The following WDR53 variants were observed in gnomAD, a reference collection of about 807,000 sequenced individuals.
WDR53 encodes the protein WD repeat domain 53.
Under a neutral mutation model 21.3 loss-of-function variants are expected in WDR53, and 19 were observed. The observed-to-expected ratio is 0.89, with a 90% confidence interval of 0.62 to 1.31. The LOEUF is 1.31. WDR53 is among the 50% of genes most tolerant of loss of function. The pLI is 0.00. For missense variants in WDR53, 374 were observed against 423.2 expected, an observed-to-expected ratio of 0.88 and a Z score of 1.02; for synonymous variants, 157 against 163.4, an observed-to-expected ratio of 0.96 and a Z score of 0.30.
At position 196,554,615 on chromosome 3, in the gene WDR53, G is replaced by C; in HGVS notation, c.673C>G (p.Arg225Gly). 1.2e-6 allele frequency: 2 copies of C among 1,614,028 alleles called. No homozygotes were observed. Among genetic ancestry groups the C allele is most frequent in the Non-Finnish European group, 1.7e-6 (2 of 1,180,008 alleles). ...TGTTCACACTTAACTCCCATCACCC[G>C]AAAGATTCGAACCTTACCATCTTCT... ...GAEDGKVRIF[R>G]VMGVKCEQEL... The change falls in exon 4 of 4, where the codon CGG becomes GGG. Residue 225 changes from arginine to glycine, a missense_variant. Physicochemically the swap from Arg to Gly is moderately radical, Grantham distance 125. Transcript: ENST00000332629.
intron 2 of WDR53, among the ~76,000 whole-genome samples, chr3:196,564,843 A>G (rs1228934146): frequency 6.6e-6 from 1 of 152,186 alleles, no homozygotes; most frequent in East Asian, 1.9e-4. Context: ...CTGAAACAAG[A>G]ATGAGGCAAG....
intron 3 of WDR53, among the ~76,000 whole-genome samples, chr3:196,555,881 C>T (rs1355156365): frequency 9.9e-5 from 15 of 152,136 alleles, no homozygotes; most frequent in Non-Finnish European, 4.4e-5. Flanking sequence ...TTACATTCTG[C>T]TTCTCTTAGA....
chr3:196,554,371 A>G lies in WDR53; in HGVS notation c.917T>C (p.Val306Ala), dbSNP rs775229474. 7.4e-6 allele frequency: 12 copies of G among 1,613,986 alleles called. No homozygotes were observed. The highest frequency in any genetic ancestry group is 1.0e-5 in the Non-Finnish European group (12 of 1,180,022). The part of the protein sequence containing the change: ...TKQGGNTNAS[V>A]TDEEEHGNIL... ...GTTGCCATGTTCTTCCTCATCTGTTACTGAAGCGTTAGTATTTCCACCCTG... is the reference window on the plus strand; with the variant it reads ...GTTGCCATGTTCTTCCTCATCTGTTGCTGAAGCGTTAGTATTTCCACCCTG... The change falls in exon 4 of 4, where the codon GTA becomes GCA. Residue 306 changes from valine (V) to alanine (A), a missense_variant. Physicochemically the swap from Val to Ala is moderately conservative, Grantham distance 64 (BLOSUM62 0). Transcript: ENST00000332629.
At chr3:196,559,886 TA>T (rs540157000) in intron 3 of WDR53, among the ~76,000 whole-genome samples, 1 of 151,990 alleles carries the variant, frequency 6.6e-6, no homozygotes, top group Admixed American at 6.5e-5. Context: ...CTTTATTTAT[TA>T]AAAAAAATAA....
In WDR53 at chr3:196,554,699, G is replaced by T; in HGVS notation, c.589C>A (p.Pro197Thr). ...ACAGAGATAGAATGGGCTAGGGCAG[G>T]GTTTAAGAGCTGACCAGGTGACTGT... ...GPQSPGQLLN[P>T]ALAHSISVAS... The change falls in exon 4 of 4, where the codon CCT (proline) becomes ACT (threonine). Residue 197 changes from proline (P) to threonine (T), a missense_variant. By Grantham distance (38) the Pro-to-Thr change is conservative (BLOSUM62 -1). Coordinates refer to ENST00000332629, the MANE Select transcript of WDR53 (RefSeq NM_182627.3). 6.2e-7 allele frequency: 1 copy of T among 1,614,118 alleles called. No homozygotes were observed.
At chr3:196,563,856 G>C (rs567717985) in intron 2 of WDR53, among the ~76,000 whole-genome samples, 1 of 152,142 alleles carries the variant, frequency 6.6e-6, no homozygotes, top group African/African-American at 2.4e-5. Context: ...ATAGGCGTGC[G>C]TCACCGCACC....
chr3:196,563,955 C>T (rs762317517), intron 2 of WDR53, among the ~76,000 whole-genome samples: 9 of 152,062 alleles, frequency 5.9e-5, no homozygotes, highest in Non-Finnish European at 1.0e-4. Flanking sequence ...GTAACGGAAA[C>T]GTGATCACAA....
At chr3:196,567,446 T>G (rs2108716671) in intron 1 of WDR53, 139 bp from the exon 2 acceptor site, 1 of 346,928 alleles carries the variant, frequency 2.9e-6, no homozygotes, top group East Asian at 7.5e-5. Context: ...TACTAGAGAC[T>G]AAGAAATGGA....
At chr3:196,559,481 G>C (rs1477281413) in intron 3 of WDR53, among the ~76,000 whole-genome samples, 2 of 152,136 alleles carry the variant, frequency 1.3e-5, no homozygotes, top group Non-Finnish European at 2.9e-5. Flanking sequence ...TTGCAGGAGA[G>C]GGGAACAGCA....
At chr3:196,566,097 G>GT (rs1279673515) in intron 2 of WDR53, among the ~76,000 whole-genome samples, 59 of 149,082 alleles carry the variant, frequency 4.0e-4, no homozygotes, top group East Asian at 1.4e-3. Context: ...TTTTTCTTGT[G>GT]TTTTTTTTTT....
intron 3 of WDR53, among the ~76,000 whole-genome samples, chr3:196,558,533 A>G (rs1734543092): frequency 6.6e-6 from 1 of 152,246 alleles, no homozygotes; most frequent in African/African-American, 2.4e-5. Flanking sequence ...CTGCCTAATT[A>G]TTTAAACCTA....
chr3:196,563,540 G>A (rs1425804298), intron 2 of WDR53, among the ~76,000 whole-genome samples: 1 of 150,448 alleles, frequency 6.6e-6, no homozygotes, highest in African/African-American at 2.5e-5. Flanking sequence ...AAATAATCTG[G>A]CAATCTGCCC....
chr3:196,560,930 A>G lies in WDR53; in HGVS notation c.480+66T>C. ...AAAAGCAAAGATATTTCGTGTGATCAATAATTTGATCCTGTTAGCAAATCC... is the reference window on the plus strand; with the variant it reads ...AAAAGCAAAGATATTTCGTGTGATCGATAATTTGATCCTGTTAGCAAATCC... On this transcript the variant is annotated intron_variant, in intron 3 of 3. Coordinates refer to ENST00000332629, the MANE Select transcript of WDR53 (RefSeq NM_182627.3). 2.6e-6 allele frequency: 4 copies of G among 1,536,228 alleles called. No individual in the cohort carries two copies. In the South Asian group the frequency reaches 5.2e-5, roughly 20 times the overall value.
At chr3:196,564,395 C>CTTCTTTT (rs140247486) in intron 2 of WDR53, among the ~76,000 whole-genome samples, 4 of 135,912 alleles carry the variant, frequency 2.9e-5, no homozygotes, top group Admixed American at 7.5e-5. Context: ...TTTCTTTTTT[C>CTTCTTTT]TTTTTTTTTT....
chr3:196,556,528 C>T (rs965071333), intron 3 of WDR53, among the ~76,000 whole-genome samples: 4 of 151,726 alleles, frequency 2.6e-5, no homozygotes, highest in African/African-American at 4.8e-5. Context: ...TGGTGGTGGG[C>T]GCCTGTAGTC....
chr3:196,566,641 T>C (rs1735422276), intron 2 of WDR53, among the ~76,000 whole-genome samples: 1 of 152,072 alleles, frequency 6.6e-6, no homozygotes, highest in South Asian at 2.1e-4. Flanking sequence ...CTCAAACTCC[T>C]GACTGCAGGT....
intron 2 of WDR53, among the ~76,000 whole-genome samples, chr3:196,563,790 T>C (rs149839539): frequency 6.6e-6 from 1 of 152,184 alleles, no homozygotes; most frequent in Non-Finnish European, 1.5e-5. Flanking sequence ...CAGGCTGGTC[T>C]TGAACTTCTG....
At position 196,561,101 on chromosome 3, in the gene WDR53, G is replaced by C. The variant is rs1468129900; in HGVS notation, c.375C>G (p.Asn125Lys). The change falls in exon 3 of 4, where the codon AAC becomes AAG. Residue 125 changes from asparagine to lysine, a missense_variant. Transcript: ENST00000332629. ...SGAIKILDLE[N>K]KKVIRSLKRH... ...TCTTCAAGGATCTGATAACTTTCTT[G>C]TTTTCCAAGTCTAGGATTTTGATTG... The C allele has an allele frequency of 1.2e-6, 2 of 1,614,212 alleles. No homozygotes were observed.
At chr3:196,564,757 T>C (rs1735220066) in intron 2 of WDR53, among the ~76,000 whole-genome samples, 1 of 152,200 alleles carries the variant, frequency 6.6e-6, no homozygotes, top group South Asian at 2.1e-4. Flanking sequence ...AGGAAGTCTG[T>C]ACTCTAGAGC....
Sources: allele counts gnomAD v4.1 joint callset (sites outside exome capture counted in the v4.1 genomes callset), GRCh38; gene constraint gnomAD v4.1.1; transcripts MANE v1.5; gene names NCBI Gene and HGNC (gene_info 2026-07-23, HGNC 2026-07-21).